Variants in VTI1B observed in about 807,000 individuals in gnomAD.
The protein encoded by VTI1B is vesicle transport through interaction with t-SNAREs 1B, also known as vesicle transport through interaction with t-SNAREs homolog 1B.
Under a neutral mutation model 28.6 loss-of-function variants are expected in VTI1B, and 18 were observed. The ratio of observed to expected loss-of-function variants is 0.63; its 90% confidence interval spans 0.43 to 0.93. The LOEUF is 0.93. VTI1B is among the 40% of genes least tolerant of loss of function. The pLI is 0.00. For missense variants in VTI1B, 283 were observed against 297.0 expected (o/e 0.95, Z 0.35); for synonymous variants, 100 against 107.9 (o/e 0.93, Z 0.46).
At position 67,647,965 on chromosome 14, in the gene VTI1B, T is replaced by G. The variant is rs888464364; in HGVS notation, c.*3420A>C. ...GACTAATAGCAACAAAATCAAGGAG[T>G]TGCAACCATAAGAAGGATGAGTGTC... On this transcript the variant is annotated 3_prime_UTR_variant, in exon 6 of 6. Coordinates refer to ENST00000554659, the MANE Select transcript of VTI1B (RefSeq NM_006370.3). The G allele has an allele frequency of 3.0e-6, 4 of 1,351,292 alleles. No homozygotes were observed. The highest frequency in any genetic ancestry group is 4.1e-6 in the Non-Finnish European group (4 of 983,776). The allele number at this position is 1,351,292 out of a possible 1,614,324, so 83.7% of individuals were successfully genotyped here.
At chr14:67,659,373 G>T (rs189935248) in intron 3 of VTI1B, among the ~76,000 whole-genome samples, 5 of 151,658 alleles carry the variant, frequency 3.3e-5, no homozygotes, top group Admixed American at 2.6e-4. Flanking sequence ...TTATATGAGA[G>T]AATAAAAAAG....
chr14:67,665,095 C>T (rs923634808), intron 1 of VTI1B, among the ~76,000 whole-genome samples: 1 of 152,094 alleles, frequency 6.6e-6, no homozygotes, highest in Non-Finnish European at 1.5e-5. Flanking sequence ...TTGTGTGGTC[C>T]ACCCATCTCG....
intron 1 of VTI1B, among the ~76,000 whole-genome samples, chr14:67,671,128 G>A (rs2140034782): frequency 6.6e-6 from 1 of 152,316 alleles, no homozygotes; most frequent in African/African-American, 2.4e-5. Flanking sequence ...TGTGAATGAG[G>A]TAGTGAATAA....
Position 67,649,497 on chromosome 14 carries a change from G to A in VTI1B, c.*1888C>T, listed in dbSNP as rs1231333388. 24 of 152,156 alleles carry A rather than the reference G, an allele frequency of 1.6e-4. No homozygotes were observed. 9.4% of individuals were successfully genotyped at this position (152,156 alleles called of 1,614,324 possible). On this transcript the variant is annotated 3_prime_UTR_variant, in exon 6 of 6. Coordinates refer to ENST00000554659, the MANE Select transcript of VTI1B (RefSeq NM_006370.3). The stretch of plus-strand genomic sequence containing the variant: ...TTAATTTATAGGGTGGCAATAGTCT[G>A]GAAACATAAGTCATGTATATATTTC...
In VTI1B at chr14:67,649,543, A is replaced by G. The variant is rs1004348414; in HGVS notation, c.*1842T>C. The stretch of plus-strand genomic sequence containing the variant: ...ATTTCTAATAGTGCAAACTTTGATG[A>G]CCACTTCTGGGATATGCTAAAGGTG... On this transcript the variant is annotated 3_prime_UTR_variant, in exon 6 of 6. Coordinates refer to ENST00000554659, the MANE Select transcript of VTI1B (RefSeq NM_006370.3). 5 of 152,148 alleles carry G rather than the reference A, an allele frequency of 3.3e-5. No homozygotes were observed. The highest frequency in any genetic ancestry group is 9.7e-5 in the African/African-American group (4 of 41,416). The allele number at this position is 152,148 out of a possible 1,614,324, so 9.4% of individuals were successfully genotyped here. A position where few individuals can be genotyped will look rare whatever the true frequency, so the allele number is the denominator to read the frequency against.
Position 67,651,179 on chromosome 14 carries a change from C to G in VTI1B, c.*206G>C. 2 of 1,028,572 alleles carry G rather than the reference C, an allele frequency of 1.9e-6. No homozygotes were observed. Among genetic ancestry groups the G allele is most frequent in the Non-Finnish European group, 2.8e-6 (2 of 726,858 alleles). 63.7% of individuals were successfully genotyped at this position (1,028,572 alleles called of 1,614,324 possible). On this transcript the variant is annotated 3_prime_UTR_variant, in exon 6 of 6. Coordinates refer to ENST00000554659, the MANE Select transcript of VTI1B (RefSeq NM_006370.3). Reference sequence around the variant, plus strand: ...AGAAGTCATAAACAGCATTTATTACCTTGGTATATCATACTGGTCTTGTTG... The same window carrying G: ...AGAAGTCATAAACAGCATTTATTACGTTGGTATATCATACTGGTCTTGTTG...
chr14:67,651,436 C>G lies in VTI1B; in HGVS notation c.648G>C (p.Glu216Asp). 3 of 1,614,044 alleles carry G rather than the reference C, an allele frequency of 1.9e-6. No homozygotes were observed. The highest frequency in any genetic ancestry group is 2.5e-6 in the Non-Finnish European group (3 of 1,179,892). ...AAACCAGGCCTCCCAGGATGGCGAG[C>G]TCCAGTAAGATGATAATGGAAAGCA... ...KLLLSIIILLELAILGGLVYY... is the reference protein window; with the variant it reads ...KLLLSIIILLDLAILGGLVYY... Residue 216 changes from glutamate (E) to aspartate (D), a missense_variant, in exon 6 of 6, where the codon GAG becomes GAC. Transcript: ENST00000554659.
At chr14:67,666,120 C>T (rs757824503) in intron 1 of VTI1B, among the ~76,000 whole-genome samples, 1 of 152,216 alleles carries the variant, frequency 6.6e-6, no homozygotes, top group Non-Finnish European at 1.5e-5. Context: ...CATGCTCACT[C>T]CTGATCCAAG....
Position 67,647,790 on chromosome 14 carries a change from A to T in VTI1B, c.*3595T>A, listed in dbSNP as rs751321815. On this transcript the variant is annotated 3_prime_UTR_variant, in exon 6 of 6. Coordinates refer to ENST00000554659, the MANE Select transcript of VTI1B (RefSeq NM_006370.3). ...GTTCTAATACCCAGTGTAAGGCAGAAATATACATTGGAGTTAGTCTGTCTG... is the reference window on the plus strand; with the variant it reads ...GTTCTAATACCCAGTGTAAGGCAGATATATACATTGGAGTTAGTCTGTCTG... 2.9e-5 allele frequency: 13 copies of T among 452,246 alleles called. No individual in the cohort carries two copies. The highest frequency in any genetic ancestry group is 5.9e-4 in the Middle Eastern group (1 of 1,686). 28.0% of individuals were successfully genotyped at this position (452,246 alleles called of 1,614,324 possible).
At chr14:67,656,653 C>T (rs1566811915) in intron 3 of VTI1B, 64 bp from the exon 4 acceptor site, 1 of 1,502,350 alleles carries the variant, frequency 6.7e-7, no homozygotes. Flanking sequence ...CCAGCATATT[C>T]CTCATCACCT....
intron 3 of VTI1B, among the ~76,000 whole-genome samples, chr14:67,657,673 A>G (rs2037279414): frequency 6.6e-6 from 1 of 151,804 alleles, no homozygotes; most frequent in African/African-American, 2.4e-5. Context: ...AGAGCAAGTG[A>G]CCACTGGCAG....
chr14:67,649,610 G>T lies in VTI1B; in HGVS notation c.*1775C>A, dbSNP rs886766776. ...AAATCAGAGACAAATCAGGAACACA[G>T]GTCCATGTGCAGGAAATGATGGAAA... On this transcript the variant is annotated 3_prime_UTR_variant, in exon 6 of 6. Coordinates refer to ENST00000554659, the MANE Select transcript of VTI1B (RefSeq NM_006370.3). 1 of 152,204 alleles carries T rather than the reference G, an allele frequency of 6.6e-6. No homozygotes were observed. Among genetic ancestry groups the T allele is most frequent in the Admixed American group, 6.5e-5 (1 of 15,284 alleles). The allele number at this position is 152,204 out of a possible 1,614,324, so 9.4% of individuals were successfully genotyped here. A position where few individuals can be genotyped will look rare whatever the true frequency, so the allele number is the denominator to read the frequency against.
intron 1 of VTI1B, among the ~76,000 whole-genome samples, chr14:67,672,844 A>T (rs1370771683): frequency 6.6e-6 from 1 of 152,234 alleles, no homozygotes; most frequent in Admixed American, 6.5e-5. Flanking sequence ...CAAGTCTTTC[A>T]CCATGGTCCA....
chr14:67,659,563 A>G (rs1398366874), intron 3 of VTI1B, among the ~76,000 whole-genome samples, 168 bp downstream of exon 3: 1 of 152,198 alleles, frequency 6.6e-6, no homozygotes, highest in Non-Finnish European at 1.5e-5. Flanking sequence ...AATAGAGCAG[A>G]TACCAAGGGG....
chr14:67,658,591 C>T (rs10136738), intron 3 of VTI1B, among the ~76,000 whole-genome samples: 5,569 of 151,480 alleles, frequency 0.037, 299 homozygotes, highest in African/African-American at 0.12. Context: ...AGCGAGACTC[C>T]GTCTCAAAAA....
At chr14:67,662,592 G>A in intron 1 of VTI1B, 57 bp from the exon 2 acceptor site, 1 of 1,478,212 alleles carries the variant, frequency 6.8e-7, no homozygotes, top group Non-Finnish European at 9.3e-7. Flanking sequence ...ATTTGTAAAG[G>A]CCATTCCCTC....
At chr14:67,656,084 A>G (rs2037251943) in intron 4 of VTI1B, among the ~76,000 whole-genome samples, 1 of 152,030 alleles carries the variant, frequency 6.6e-6, no homozygotes, top group African/African-American at 2.4e-5. Flanking sequence ...CATCTCTACT[A>G]AAAATACAAA....
intron 4 of VTI1B, among the ~76,000 whole-genome samples, chr14:67,654,888 G>A (rs538102305): frequency 6.6e-6 from 1 of 152,038 alleles, no homozygotes; most frequent in Admixed American, 6.6e-5. Flanking sequence ...AATTAGCCGG[G>A]TGTGGTGGCA....
chr14:67,660,141 A>G (rs997479875), intron 2 of VTI1B: 1 of 475,372 alleles, frequency 2.1e-6, no homozygotes, highest in Non-Finnish European at 3.7e-6. Context: ...GAGTATATGA[A>G]CTGAATGAAT....
Sources: gnomAD v4.1 joint callset for allele counts (sites outside exome capture counted in the v4.1 genomes callset) on GRCh38, gnomAD v4.1.1 for gene constraint, MANE v1.5 for transcripts, NCBI Gene and HGNC (gene_info 2026-07-23, HGNC 2026-07-21) for gene names.